SRGAP3: variants seen among roughly 807,000 people sequenced by gnomAD.
SRGAP3 encodes SLIT-ROBO Rho GTPase activating protein 3, also known as SLIT-ROBO Rho GTPase-activating protein 3.
SRGAP3 carries 39 observed loss-of-function variants against 121.1 expected under a neutral mutation model. That is an observed-to-expected ratio of 0.32 (90% confidence interval 0.25 to 0.42). SRGAP3 has a LOEUF of 0.42. Ranked by LOEUF, SRGAP3 falls within the 10% of genes least tolerant of loss-of-function variation. The pLI is 1.00. For synonymous variants in SRGAP3, 601 were observed against 570.0 expected, an observed-to-expected ratio of 1.05 and a Z score of -0.77; for missense variants, 1,213 against 1,470.6, an observed-to-expected ratio of 0.82 and a Z score of 2.86.
At chr3:9,187,614 AGCCCCCTTG>A (rs1951638726) in intron 1 of SRGAP3, among the ~76,000 whole-genome samples, 3 of 152,174 alleles carry the variant, frequency 2.0e-5, no homozygotes, top group Admixed American at 2.0e-4. Flanking sequence ...GCACACCACC[AGCCCCCTTG>A]GCTTATATAA....
rs60653062 is a variant in SRGAP3, at chr3:9,210,046, CA to C, written c.67+38838del. On this transcript the variant is annotated intron_variant, in intron 1 of 21. Coordinates refer to ENST00000383836, the MANE Select transcript of SRGAP3 (RefSeq NM_014850.4). ...TGCTTATTAAAAGAAGCTAGACACA[CA>C]AAAAAAAAAAACAGACGTTGTGTGA... Among the ~76,000 whole-genome samples the C allele has an allele frequency of 3.6e-3, 530 of 147,220 alleles. 2 individuals are homozygous for C. The highest frequency in any genetic ancestry group is 0.01 in the African/African-American group (420 of 40,498).
chr3:8,994,379 C>T lies in SRGAP3; in HGVS notation c.2372G>A (p.Gly791Glu), dbSNP rs1419971396. The T allele has an allele frequency of 1.2e-6, 2 of 1,614,204 alleles. No homozygotes were observed. The highest frequency in any genetic ancestry group is 4.5e-5 in the East Asian group (2 of 44,888). ...AACTATGTACTGATGGGGGATGAGT[C>T]CATCCACGCCGTTGTGCCGGCCCTC... is the stretch of plus-strand genomic sequence containing the variant. The part of the protein sequence containing the change: ...WWEGRHNGVD[G>E]LIPHQYIVVQ... The change falls in exon 19 of 22, where the codon GGA becomes GAA. Residue 791 changes from glycine to glutamate, a missense_variant. By Grantham distance (98) the Gly-to-Glu change is moderately conservative (BLOSUM62 -2). Transcript: ENST00000383836.
chr3:9,061,144 A>C (rs9848756), intron 5 of SRGAP3, among the ~76,000 whole-genome samples: 18,137 of 152,174 alleles, frequency 0.12, 1,437 homozygotes, highest in African/African-American at 0.22. Flanking sequence ...AGATGGGAGA[A>C]TCATTTGAAC....
intron 1 of SRGAP3, among the ~76,000 whole-genome samples, chr3:9,184,671 G>A (rs1401835129): frequency 6.6e-6 from 1 of 152,128 alleles, no homozygotes; most frequent in Non-Finnish European, 1.5e-5. Flanking sequence ...ATGAGGACAT[G>A]GCCACAGTGT....
chr3:9,016,822 T>C (rs1309392088), intron 14 of SRGAP3, among the ~76,000 whole-genome samples: 2 of 152,128 alleles, frequency 1.3e-5, no homozygotes, highest in African/African-American at 4.8e-5. Flanking sequence ...GGCATTCTTT[T>C]GTAAAGAAGA....
chr3:9,330,350 G>T (rs1330180551), intron 2 of SRGAP3, among the ~76,000 whole-genome samples: 1 of 152,070 alleles, frequency 6.6e-6, no homozygotes, highest in African/African-American at 2.4e-5. Context: ...TCCATCCCTG[G>T]ACCCAGTCCA....
chr3:9,113,342 G>A (rs1337207376), intron 2 of SRGAP3, among the ~76,000 whole-genome samples: 1 of 152,100 alleles, frequency 6.6e-6, no homozygotes, highest in Non-Finnish European at 1.5e-5. Flanking sequence ...GAGATCTTTG[G>A]TGTCCTTGGT....
chr3:9,336,526 T>C (rs1003035491), intron 1 of SRGAP3, among the ~76,000 whole-genome samples: 2 of 152,012 alleles, frequency 1.3e-5, no homozygotes, highest in Admixed American at 1.3e-4. Flanking sequence ...AAGTTTATTT[T>C]CTAATTTTAA....
At chr3:9,089,743 G>C (rs903527336) in intron 3 of SRGAP3, among the ~76,000 whole-genome samples, 1 of 152,180 alleles carries the variant, frequency 6.6e-6, no homozygotes, top group Non-Finnish European at 1.5e-5. Context: ...GGTGGAACAG[G>C]CTCCTGTTTG....
intron 3 of SRGAP3, among the ~76,000 whole-genome samples, chr3:9,101,929 A>G (rs983027583): frequency 6.6e-6 from 1 of 152,200 alleles, no homozygotes; most frequent in Non-Finnish European, 1.5e-5. Flanking sequence ...AACAGACTCC[A>G]CTGCAAAAGG....
At chr3:9,283,146 G>T (rs1389667792) in intron 3 of SRGAP3, among the ~76,000 whole-genome samples, 1 of 151,774 alleles carries the variant, frequency 6.6e-6, no homozygotes, top group Non-Finnish European at 1.5e-5. Flanking sequence ...TCTCCATGTT[G>T]CCCAGGCTGG....
intron 6 of SRGAP3, 103 bp from the exon 7 acceptor site, chr3:9,058,575 C>T (rs920199968): frequency 7.9e-5 from 98 of 1,237,478 alleles, no homozygotes; most frequent in Non-Finnish European, 3.2e-5. Context: ...TTTCCACAGC[C>T]GAATCTTCCA....
At chr3:8,995,719 C>T (rs1942360689) in intron 18 of SRGAP3, among the ~76,000 whole-genome samples, 1 of 152,120 alleles carries the variant, frequency 6.6e-6, no homozygotes, top group African/African-American at 2.4e-5. Context: ...GGGGATTGTG[C>T]CTACAGTTTA....
intron 3 of SRGAP3, among the ~76,000 whole-genome samples, chr3:9,269,547 C>A (rs1408225833): frequency 1.3e-5 from 2 of 152,222 alleles, no homozygotes; most frequent in South Asian, 2.1e-4. Context: ...TTCTTATTCA[C>A]CTGCTATAAA....
At chr3:9,168,828 C>G (rs1309112272) in intron 1 of SRGAP3, among the ~76,000 whole-genome samples, 1 of 152,242 alleles carries the variant, frequency 6.6e-6, no homozygotes, top group African/African-American at 2.4e-5. Flanking sequence ...GCCAGACTGG[C>G]ACAGAGTGGC....
intron 1 of SRGAP3, among the ~76,000 whole-genome samples, chr3:9,353,179 T>C (rs949194000): frequency 3.3e-5 from 5 of 152,250 alleles, no homozygotes; most frequent in African/African-American, 9.6e-5. Context: ...TGGCTATCCA[T>C]GTTTACCTAC....
rs1324769832 is a variant in SRGAP3 at position 8,982,368 on chromosome 3, C to G, written c.*3151G>C. 3.1e-5 allele frequency: 7 copies of G among 226,324 alleles called. No homozygotes were observed. In the East Asian group the frequency reaches 4.5e-4, roughly 14 times the overall value. The allele number at this position is 226,324 out of a possible 1,614,324, so 14.0% of individuals were successfully genotyped here. On this transcript the variant is annotated 3_prime_UTR_variant, in exon 22 of 22. Coordinates refer to ENST00000383836, the MANE Select transcript of SRGAP3 (RefSeq NM_014850.4). ...TGAACAAGTAGGTAAACACCACTTCCCCTTGTACAATTGGTTATATTGAAG... is the reference window on the plus strand; with the variant it reads ...TGAACAAGTAGGTAAACACCACTTCGCCTTGTACAATTGGTTATATTGAAG...
intron 1 of SRGAP3, among the ~76,000 whole-genome samples, chr3:9,197,290 T>G (rs998910224): frequency 2.6e-5 from 4 of 152,232 alleles, no homozygotes; most frequent in Non-Finnish European, 5.9e-5. Context: ...GACATGCCTG[T>G]CAAAGAGGTG....
At chr3:9,027,192 C>T (rs777060960) in intron 12 of SRGAP3, among the ~76,000 whole-genome samples, 197 bp from the exon 13 acceptor site, 1 of 152,194 alleles carries the variant, frequency 6.6e-6, no homozygotes, top group Non-Finnish European at 1.5e-5. Flanking sequence ...CACAAAAAGG[C>T]ATAGCTATGA....
Sources: allele counts gnomAD v4.1 joint callset (sites outside exome capture counted in the v4.1 genomes callset), GRCh38; gene constraint gnomAD v4.1.1; transcripts MANE v1.5; gene names NCBI Gene and HGNC (gene_info 2026-07-23, HGNC 2026-07-21).